The following RHOT2 variants were observed in gnomAD, a reference collection of about 807,000 sequenced individuals.
RHOT2 encodes the protein mitochondrial Rho GTPase 2.
RHOT2 carries 90 observed loss-of-function variants against 81.6 expected under a neutral mutation model. The observed-to-expected ratio is 1.10, with a 90% CI of 0.93 to 1.31. The LOEUF is 1.31. Ranked by LOEUF, RHOT2 falls within the 40% of genes most tolerant of loss-of-function variation. The pLI is 0.00. For synonymous variants in RHOT2, 512 were observed against 370.9 expected, an observed-to-expected ratio of 1.38 and a Z score of -4.37; for missense variants, 1,014 against 841.9, an observed-to-expected ratio of 1.20 and a Z score of -2.53.
rs777476141 is a variant in RHOT2, at chr16:671,886, G to A, written c.981G>A (p.Val327=). The A allele has an allele frequency of 1.2e-5, 20 of 1,604,568 alleles. No homozygotes were observed. The highest frequency in any genetic ancestry group is 1.5e-5 in the Non-Finnish European group (18 of 1,178,124). Residue 327 remains valine (V), a synonymous_variant, in exon 13 of 19, where the codon GTG becomes GTA. Transcript: ENST00000315082. ...ACCGCGACGGCGCCCTCTCGCCCGT[G>A]GAGCTGCAAAGCCTTTTCAGTGTGT... ...DQDRDGALSP[V]ELQSLFSVFP...
At position 673,833 on chromosome 16, in the gene RHOT2, AG is replaced by A. The variant is rs1299968275; in HGVS notation, c.*229del. 1.6e-6 allele frequency: 1 copy of A among 634,730 alleles called. No homozygotes were observed. The highest frequency in any genetic ancestry group is 1.8e-5 in the African/African-American group (1 of 54,626). 39.3% of individuals were successfully genotyped at this position (634,730 alleles called of 1,614,324 possible). ...GGTGGGCCGTGGCAGGTGGCTGAGCAGGAGCTCCCAAGTGCCGGCCACCGCT... is the reference window on the plus strand; with the variant it reads ...GGTGGGCCGTGGCAGGTGGCTGAGCAGAGCTCCCAAGTGCCGGCCACCGCT... On this transcript the variant is annotated 3_prime_UTR_variant, in exon 19 of 19. Transcript: ENST00000315082.
rs750691928 is a variant in RHOT2, at chr16:669,605, A to G, written c.275A>G (p.Lys92Arg). ...GTCTCTGAGGAGGCCACCATTGAGA[A>G]GGTGAGCCCTCAGTGCAGACCCCAA... is the stretch of plus-strand genomic sequence containing the variant. ...YDVSEEATIE[K>R]IRTKWIPLVN... The change falls in exon 5 of 19, where the codon AAG becomes AGG. Residue 92 changes from lysine to arginine, a missense_variant and splice_region_variant. Transcript: ENST00000315082. The G allele has an allele frequency of 6.2e-7, 1 of 1,611,700 alleles. No homozygotes were observed. Among genetic ancestry groups the G allele is most frequent in the East Asian group, 2.2e-5 (1 of 44,882 alleles).
chr16:669,422 C>T (rs959214781), intron 4 of RHOT2, 131 bp from the exon 5 acceptor site: 28 of 852,890 alleles, frequency 3.3e-5, no homozygotes, highest in African/African-American at 2.0e-4. Context: ...GCTTTCCCGG[C>T]CTCAGAGCTG....
chr16:670,785 C>T lies in RHOT2; in HGVS notation c.639+12C>T, dbSNP rs1428707784. 5 of 1,610,798 alleles carry T rather than the reference C, an allele frequency of 3.1e-6. No homozygotes were observed. The highest frequency in any genetic ancestry group is 3.3e-5 in the Admixed American group (2 of 60,010). Reference sequence around the variant, plus strand: ...TCAACGCTTTCCAGGTGTGCCCCTGCCCCACCCTCGGTGCCCAGCCCCCTT... The same window carrying T: ...TCAACGCTTTCCAGGTGTGCCCCTGTCCCACCCTCGGTGCCCAGCCCCCTT... On this transcript the variant is annotated intron_variant, in intron 9 of 18. Transcript: ENST00000315082.
chr16:670,774 G>A lies in RHOT2; in HGVS notation c.639+1G>A, dbSNP rs751907505. ...TGACGAAGAGCTCAACGCTTTCCAG[G>A]TGTGCCCCTGCCCCACCCTCGGTGC... is the stretch of plus-strand genomic sequence containing the variant. On this transcript the variant is annotated splice_donor_variant, in intron 9 of 18. Coordinates refer to ENST00000315082, the MANE Select transcript of RHOT2 (RefSeq NM_138769.3). LOFTEE classifies it high-confidence loss of function. 16 of 1,611,576 alleles carry A rather than the reference G, an allele frequency of 9.9e-6. No homozygotes were observed. Among genetic ancestry groups the A allele is most frequent in the Non-Finnish European group, 8.5e-6 (10 of 1,179,764 alleles).
intron 18 of RHOT2, 98 bp from the exon 19 acceptor site, chr16:673,382 C>T (rs561247094): frequency 6.4e-7 from 1 of 1,564,336 alleles, no homozygotes; most frequent in African/African-American, 1.4e-5. Flanking sequence ...GGGATCCCCG[C>T]CTGTGGGGCC....
Position 672,813 on chromosome 16 carries a change from C to T in RHOT2, c.1515C>T (p.Ala505=), listed in dbSNP as rs374297186. ...GSDPKSFAHC[A]SVYKHHYMDG... is the part of the protein sequence containing the mutation. ...ACCCAAAGTCCTTTGCACATTGTGC[C>T]AGCGTCTACAAGGTGGGGCCCTGCA... Residue 505 remains alanine (A), a synonymous_variant, in exon 17 of 19, where the codon GCC becomes GCT. Coordinates refer to ENST00000315082, the MANE Select transcript of RHOT2 (RefSeq NM_138769.3). 2 of 1,612,618 alleles carry T rather than the reference C, an allele frequency of 1.2e-6. No individual in the cohort carries two copies. Among genetic ancestry groups the T allele is most frequent in the Non-Finnish European group, 1.7e-6 (2 of 1,179,980 alleles).
chr16:671,174 G>A lies in RHOT2; in HGVS notation c.840G>A (p.Leu280=). 1 of 1,578,298 alleles carries A rather than the reference G, an allele frequency of 6.3e-7. No homozygotes were observed. Among genetic ancestry groups the A allele is most frequent in the Non-Finnish European group, 8.6e-7 (1 of 1,161,278 alleles). The change falls in exon 11 of 19, where the codon CTG becomes CTA. Residue 280 remains leucine, a synonymous_variant. Transcript: ENST00000315082. ...GGCGCTTCGGCTACAGCGATGCCCT[G>A]GAGCTGACTGCGGACTATCTCTCCC... is the stretch of plus-strand genomic sequence containing the variant. ...ILRRFGYSDA[L]ELTADYLSPL... is the part of the protein sequence containing the mutation.
At chr16:669,014 C>T (rs1434040429) in intron 4 of RHOT2, 2 of 463,828 alleles carry the variant, frequency 4.3e-6, no homozygotes, top group Admixed American at 4.1e-5. Context: ...TCCAGCCCAC[C>T]GTCCCGGCCT....
rs1405914759 is a variant in RHOT2 at position 670,444 on chromosome 16, C to G, written c.439-12C>G. 1.2e-6 allele frequency: 2 copies of G among 1,605,570 alleles called. No individual in the cohort carries two copies. Among genetic ancestry groups the G allele is most frequent in the Non-Finnish European group, 1.7e-6 (2 of 1,175,936 alleles). ...TCGGGGCACTTCCCTGAGGCTGTTC[C>G]CACTTTCCCAGTGTTCGGCCAAGAA... On this transcript the variant is annotated splice_polypyrimidine_tract_variant and intron_variant, in intron 7 of 18. Transcript: ENST00000315082.
Position 671,783 on chromosome 16 carries a change from T to A in RHOT2, c.954+2T>A. The A allele has an allele frequency of 6.2e-7, 1 of 1,611,710 alleles. No homozygotes were observed. The highest frequency in any genetic ancestry group is 1.3e-5 in the African/African-American group (1 of 74,902). On this transcript the variant is annotated splice_donor_variant, in intron 12 of 18. Transcript: ENST00000315082. LOFTEE classifies it high-confidence loss of function. ...AGAGTGTTTGAGAAGCACGACCAGG[T>A]GAGAGCATGGCGAGTCCCCTGCCCC...
At chr16:672,025 C>T in intron 13 of RHOT2, 23 bp downstream of exon 13, 1 of 1,611,784 alleles carries the variant, frequency 6.2e-7, no homozygotes, top group Admixed American at 1.7e-5. Context: ...CACACCATGC[C>T]CGCCTGCCGC....
At position 669,589 on chromosome 16, in the gene RHOT2, G is replaced by A. The variant is rs1183964534; in HGVS notation, c.259G>A (p.Glu87Lys). Residue 87 changes from glutamate to lysine, a missense_variant, in exon 5 of 19, where the codon GAG (glutamate) becomes AAG (lysine). Coordinates refer to ENST00000315082, the MANE Select transcript of RHOT2 (RefSeq NM_138769.3). ...VVCVVYDVSE[E>K]ATIEKIRTKW... ...GTGTGTGGTGTATGACGTCTCTGAGGAGGCCACCATTGAGAAGGTGAGCCC... is the reference window on the plus strand; with the variant it reads ...GTGTGTGGTGTATGACGTCTCTGAGAAGGCCACCATTGAGAAGGTGAGCCC... 6 of 1,611,938 alleles carry A rather than the reference G, an allele frequency of 3.7e-6. No homozygotes were observed. The African/African-American group carries it at 5.3e-5, about 14-fold the overall frequency.
intron 18 of RHOT2, 161 bp from the exon 19 acceptor site, chr16:673,319 T>G: frequency 8.0e-7 from 1 of 1,251,078 alleles, no homozygotes. Flanking sequence ...AGGGAGGCAG[T>G]GCCCAGGCAT....
In RHOT2 at chr16:672,317, A is replaced by G. The variant is rs1454499444; in HGVS notation, c.1259A>G (p.Lys420Arg). The change falls in exon 15 of 19, where the codon AAG (lysine) becomes AGG (arginine). Residue 420 changes from lysine to arginine, a missense_variant. Physicochemically the swap from Lys to Arg is conservative, Grantham distance 26. Transcript: ENST00000315082. ...ACGCAGCGGAGCGTCCTCCTGTGCAAGGTGGTAGGGGCCCGTGGAGTGGGC... is the reference window on the plus strand; with the variant it reads ...ACGCAGCGGAGCGTCCTCCTGTGCAGGGTGGTAGGGGCCCGTGGAGTGGGC... ...GQTQRSVLLC[K>R]VVGARGVGKS... is the part of the protein sequence containing the mutation. 1.2e-6 allele frequency: 2 copies of G among 1,612,456 alleles called. No homozygotes were observed. Among genetic ancestry groups the G allele is most frequent in the Non-Finnish European group, 8.5e-7 (1 of 1,179,800 alleles).
rs1045763 is a variant in RHOT2 at position 674,084 on chromosome 16, C to T, written c.*478C>T. The T allele has an allele frequency of 0.1, 21,108 of 205,768 alleles. 2,633 individuals carry two copies. The highest frequency in any genetic ancestry group is 0.68 in the East Asian group (4,117 of 6,034). The allele number at this position is 205,768 out of a possible 1,614,324, so 12.7% of individuals were successfully genotyped here. A position where few individuals can be genotyped will look rare whatever the true frequency, so the allele number is the denominator to read the frequency against. ...CCGTTTCCGTGGTTGTAGCAGAGGA[C>T]CGGAGGTTGGGTTCCTGATTAAACT... On this transcript the variant is annotated 3_prime_UTR_variant, in exon 19 of 19. Transcript: ENST00000315082.
intron 11 of RHOT2, 136 bp downstream of exon 11, chr16:671,339 G>T (rs1020235144): frequency 7.6e-7 from 1 of 1,307,202 alleles, no homozygotes; most frequent in African/African-American, 1.5e-5. Flanking sequence ...TCGCTCAGCA[G>T]GCCATCTGGG....
chr16:670,825 G>T, intron 9 of RHOT2, 52 bp downstream of exon 9: 1 of 1,601,914 alleles, frequency 6.2e-7, no homozygotes, highest in Non-Finnish European at 8.5e-7. Flanking sequence ...CTCCGCTGCC[G>T]TTAGTGACTG....
At chr16:669,866 G>A (rs563016400) in intron 5 of RHOT2, 88 of 613,210 alleles carry the variant, frequency 1.4e-4, no homozygotes, top group South Asian at 9.3e-4. Flanking sequence ...GGGGGGACCC[G>A]CAGAGGGCCT....
Sources: allele counts gnomAD v4.1 joint callset, GRCh38; gene constraint gnomAD v4.1.1; transcripts MANE v1.5; gene names NCBI Gene and HGNC (gene_info 2026-07-23, HGNC 2026-07-21).